PLEKHH1: variants seen among roughly 807,000 people sequenced by gnomAD.
PLEKHH1 encodes pleckstrin homology domain-containing family H member 1.
Under a neutral mutation model 160.0 loss-of-function variants are expected in PLEKHH1, and 104 were observed. The observed-to-expected ratio is 0.65, with a 90% CI of 0.55 to 0.76. The LOEUF (loss-of-function observed/expected upper bound fraction) is 0.76, where lower values mean the gene tolerates loss of function less well. PLEKHH1 is among the 30% of genes least tolerant of loss of function. The probability of loss-of-function intolerance (pLI) is 0.00; values close to 1 mark genes in which losing one functional copy is unlikely to be tolerated. For missense variants in PLEKHH1, 1,427 were observed against 1,724.1 expected (o/e 0.83, Z 3.05); for synonymous variants, 619 against 678.4 (o/e 0.91, Z 1.36).
chr14:67,586,306 G>C (rs1475301327), intron 28 of PLEKHH1: 5 of 1,198,776 alleles, frequency 4.2e-6, no homozygotes, highest in Admixed American at 1.9e-5. Context: ...CATATTTGGA[G>C]GGAACTAACT....
intron 2 of PLEKHH1, among the ~76,000 whole-genome samples, chr14:67,545,385 T>C (rs186577430): frequency 6.0e-4 from 91 of 152,226 alleles, no homozygotes; most frequent in African/African-American, 2.2e-3. Context: ...AAAGAGAGGA[T>C]AGATAATAGG....
Position 67,562,444 on chromosome 14 carries a change from G to A in PLEKHH1, c.813G>A (p.Lys271=). The change falls in exon 7 of 29, where the codon AAG becomes AAA. Residue 271 remains lysine, a synonymous_variant. Transcript: ENST00000329153. The part of the protein sequence containing the change: ...RESPPHQPCM[K]LLTFRCSSAS... Reference sequence around the variant, plus strand: ...GCCCTCCCCACCAGCCATGCATGAAGCTTCTTACCTTCAGATGTAGTTCAG... The same window carrying A: ...GCCCTCCCCACCAGCCATGCATGAAACTTCTTACCTTCAGATGTAGTTCAG... The A allele has an allele frequency of 6.2e-7, 1 of 1,613,900 alleles. No individual in the cohort carries two copies. Among genetic ancestry groups the A allele is most frequent in the Non-Finnish European group, 8.5e-7 (1 of 1,179,796 alleles).
chr14:67,558,462 A>G (rs1437442432), intron 4 of PLEKHH1, among the ~76,000 whole-genome samples: 1 of 152,190 alleles, frequency 6.6e-6, no homozygotes, highest in East Asian at 1.9e-4. Flanking sequence ...ATTTTGACAC[A>G]TGGAATCTCT....
At position 67,576,993 on chromosome 14, in the gene PLEKHH1, C is replaced by T. The variant is rs1024992546; in HGVS notation, c.2462-309C>T. On this transcript the variant is annotated intron_variant, in intron 17 of 28. Coordinates refer to ENST00000329153, the MANE Select transcript of PLEKHH1 (RefSeq NM_020715.3). The surrounding 1 kb of genome is among the most constrained non-coding windows in gnomAD (Gnocchi z 4.0). ...TTTGTTTCTGACCAATTCATATGCC[C>T]CTCCATCCAGACTTGACACAGTAAG... Among the ~76,000 whole-genome samples the T allele has an allele frequency of 6.6e-6, 1 of 152,098 alleles. No homozygotes were observed. The highest frequency in any genetic ancestry group is 2.4e-5 in the African/African-American group (1 of 41,416).
chr14:67,542,570 CAT>C (rs1341887137), intron 2 of PLEKHH1, among the ~76,000 whole-genome samples: 1 of 152,210 alleles, frequency 6.6e-6, no homozygotes, highest in African/African-American at 2.4e-5. Context: ...AAGGTCCTGA[CAT>C]AGAATAGGTC....
At chr14:67,561,605 T>C (rs1290023815) in intron 5 of PLEKHH1, among the ~76,000 whole-genome samples, 2 of 152,056 alleles carry the variant, frequency 1.3e-5, no homozygotes, top group Non-Finnish European at 2.9e-5. Flanking sequence ...CAGTGGCACA[T>C]GCCTGTAATC....
intron 2 of PLEKHH1, among the ~76,000 whole-genome samples, chr14:67,547,508 G>A (rs991221786): frequency 1.3e-5 from 2 of 152,146 alleles, no homozygotes; most frequent in African/African-American, 4.8e-5. Flanking sequence ...GTTGCTACAC[G>A]CACTGGGAGG....
Position 67,587,229 on chromosome 14 carries a change from G to A in PLEKHH1, c.4089G>A (p.Leu1363=), listed in dbSNP as rs1200411639. The change falls in exon 29 of 29, where the codon TTG becomes TTA. Residue 1363 remains leucine, a synonymous_variant. Transcript: ENST00000329153. ...SVSCATKGPT[L]L is the part of the protein sequence containing the mutation. ...CCTGTGCTACCAAGGGGCCAACGTT[G>A]CTGTGAATATTTCTCCTACCCGATT... 3 of 1,613,558 alleles carry A rather than the reference G, an allele frequency of 1.9e-6. No individual in the cohort carries two copies. Among genetic ancestry groups the A allele is most frequent in the Non-Finnish European group, 1.7e-6 (2 of 1,179,740 alleles).
chr14:67,586,448 C>G, intron 28 of PLEKHH1: 1 of 1,303,380 alleles, frequency 7.7e-7, no homozygotes, highest in Non-Finnish European at 1.0e-6. Flanking sequence ...GGGCAGATTC[C>G]TCTTTAAGGT....
chr14:67,552,482 G>T (rs1470151766), intron 2 of PLEKHH1, among the ~76,000 whole-genome samples: 2 of 152,178 alleles, frequency 1.3e-5, no homozygotes, highest in African/African-American at 2.4e-5. Flanking sequence ...GGATAAGAAG[G>T]ACTGGCTGGG....
chr14:67,559,528 T>C (rs2034736023), intron 4 of PLEKHH1, 80 bp from the exon 5 acceptor site: 2 of 974,530 alleles, frequency 2.1e-6, no homozygotes, highest in African/African-American at 3.2e-5. Flanking sequence ...ACACTTGGCC[T>C]TTCTTGGGGT....
rs1218363917 is a variant in PLEKHH1, at chr14:67,557,379, T to C, written c.300T>C (p.Asp100=). The C allele has an allele frequency of 6.8e-6, 11 of 1,613,808 alleles. No individual in the cohort carries two copies. The highest frequency in any genetic ancestry group is 1.7e-5 in the Admixed American group (1 of 60,008). Reference sequence around the variant, plus strand: ...TGCTGAAAGCCATAAAGGGCAAAGATGAGCTCATCAGCCAGCTAGAGGCTC... The same window carrying C: ...TGCTGAAAGCCATAAAGGGCAAAGACGAGCTCATCAGCCAGCTAGAGGCTC... ...QELLKAIKGK[D]ELISQLEAQL... Residue 100 remains aspartate, a synonymous_variant, in exon 4 of 29, where the codon GAT becomes GAC. Coordinates refer to ENST00000329153, the MANE Select transcript of PLEKHH1 (RefSeq NM_020715.3).
In PLEKHH1 at chr14:67,589,372, C is replaced by A; in HGVS notation, c.*2137C>A. ...AGTCCCATGTCTGAAAACCAAAGTC[C>A]AATTTCTGTCTGGCCTTTTGTCTCA... On this transcript the variant is annotated 3_prime_UTR_variant, in exon 29 of 29. Transcript: ENST00000329153. 1 of 984,654 alleles carries A rather than the reference C, an allele frequency of 1.0e-6. No homozygotes were observed. Among genetic ancestry groups the A allele is most frequent in the African/African-American group, 1.7e-5 (1 of 57,306 alleles). 61.0% of individuals were successfully genotyped at this position (984,654 alleles called of 1,614,324 possible). A position where few individuals can be genotyped will look rare whatever the true frequency, so the allele number is the denominator to read the frequency against.
At chr14:67,552,628 G>A (rs552223050) in intron 2 of PLEKHH1, among the ~76,000 whole-genome samples, 5 of 149,356 alleles carry the variant, frequency 3.3e-5, no homozygotes, top group Non-Finnish European at 7.5e-5. Flanking sequence ...TTAGCTGGGC[G>A]TGGTGGCGGG....
At chr14:67,560,215 A>G (rs990163139) in intron 5 of PLEKHH1, among the ~76,000 whole-genome samples, 12 of 151,940 alleles carry the variant, frequency 7.9e-5, no homozygotes, top group African/African-American at 2.4e-4. Flanking sequence ...TTTAGTAGAG[A>G]CAGGTTTCAC....
At chr14:67,549,252 T>A (rs2034299067) in intron 2 of PLEKHH1, among the ~76,000 whole-genome samples, 1 of 151,808 alleles carries the variant, frequency 6.6e-6, no homozygotes, top group African/African-American at 2.4e-5. Flanking sequence ...TGCGTGTGTG[T>A]GTGTGTAAAA....
chr14:67,547,508 G>C (rs991221786), intron 2 of PLEKHH1, among the ~76,000 whole-genome samples: 1 of 152,146 alleles, frequency 6.6e-6, no homozygotes, highest in African/African-American at 2.4e-5. Flanking sequence ...GTTGCTACAC[G>C]CACTGGGAGG....
intron 2 of PLEKHH1, among the ~76,000 whole-genome samples, chr14:67,551,532 G>A (rs923346158): frequency 1.3e-5 from 2 of 152,154 alleles, no homozygotes; most frequent in African/African-American, 4.8e-5. Flanking sequence ...AAGCCACACT[G>A]TGGTGGAGTC....
chr14:67,556,775 A>G (rs1016993519), intron 3 of PLEKHH1, among the ~76,000 whole-genome samples: 1 of 152,244 alleles, frequency 6.6e-6, no homozygotes, highest in Non-Finnish European at 1.5e-5. Context: ...GAGTCTAGAA[A>G]TGATGCACCA....
Sources: gnomAD v4.1 joint callset for allele counts (sites outside exome capture counted in the v4.1 genomes callset) on GRCh38, gnomAD v4.1.1 for gene constraint, Gnocchi (gnomAD v3.1) non-coding constraint, MANE v1.5 for transcripts, NCBI Gene and HGNC (gene_info 2026-07-23, HGNC 2026-07-21) for gene names.